The following ADAM10 variants were observed in gnomAD, a reference collection of about 807,000 sequenced individuals.
ADAM10 encodes disintegrin and metalloproteinase domain-containing protein 10.
Under a neutral mutation model 90.1 loss-of-function variants are expected in ADAM10, and 17 were observed. That is an observed-to-expected ratio of 0.19 (90% CI 0.13 to 0.28). The LOEUF is 0.28. Ranked by LOEUF, ADAM10 falls within the 10% of genes least tolerant of loss-of-function variation. The pLI, the probability that ADAM10 is intolerant of heterozygous loss-of-function variation, is 1.00. For synonymous variants in ADAM10, 310 were observed against 298.6 expected, an observed-to-expected ratio of 1.04 and a Z score of -0.40; for missense variants, 610 against 914.3, an observed-to-expected ratio of 0.67 and a Z score of 4.29.
At chr15:58,689,956 A>ACCCC (rs1897732644) in intron 2 of ADAM10, among the ~76,000 whole-genome samples, 1 of 138,524 alleles carries the variant, frequency 7.2e-6, no homozygotes, top group African/African-American at 2.6e-5. Context: ...CCCCCCCAAA[A>ACCCC]AAAAAAAAAA....
chr15:58,725,570 T>C (rs1481613062), intron 1 of ADAM10, among the ~76,000 whole-genome samples: 1 of 146,876 alleles, frequency 6.8e-6, no homozygotes, highest in Non-Finnish European at 1.5e-5. Context: ...TATAAATAAA[T>C]AAACAAAAAC....
At chr15:58,668,047 T>TG (rs1281815503) in intron 4 of ADAM10, among the ~76,000 whole-genome samples, 3 of 152,130 alleles carry the variant, frequency 2.0e-5, no homozygotes, top group African/African-American at 7.2e-5. Context: ...GGGCCAGACA[T>TG]GTCCCTTCTC....
intron 10 of ADAM10, among the ~76,000 whole-genome samples, chr15:58,627,068 C>T (rs1213001604): frequency 2.0e-5 from 3 of 152,018 alleles, no homozygotes; most frequent in Non-Finnish European, 4.4e-5. Flanking sequence ...AGTAGATGTA[C>T]AAACTAGGAC....
At chr15:58,709,232 T>C (rs534531718) in intron 2 of ADAM10, among the ~76,000 whole-genome samples, 369 of 152,222 alleles carry the variant, frequency 2.4e-3, no homozygotes, top group Non-Finnish European at 4.5e-3. Flanking sequence ...GCTTAACCAC[T>C]TGAACAACAG....
chr15:58,710,490 AC>A (rs1172979908), intron 2 of ADAM10, among the ~76,000 whole-genome samples: 3 of 152,184 alleles, frequency 2.0e-5, no homozygotes, highest in African/African-American at 7.2e-5. Context: ...AGATTTCTTT[AC>A]AAACAGCTTT....
chr15:58,718,271 T>G (rs567797970), intron 1 of ADAM10, among the ~76,000 whole-genome samples: 1 of 152,350 alleles, frequency 6.6e-6, no homozygotes. Flanking sequence ...TTCTTTTTAA[T>G]GTATTAATAT....
At chr15:58,694,688 G>A (rs1566999332) in intron 2 of ADAM10, among the ~76,000 whole-genome samples, 1 of 151,166 alleles carries the variant, frequency 6.6e-6, no homozygotes, top group African/African-American at 2.4e-5. Flanking sequence ...TAACCTAAAT[G>A]TCTATCAACA....
chr15:58,747,955 CA>C (rs1312812782), intron 1 of ADAM10: 2 of 151,948 alleles, frequency 1.3e-5, no homozygotes, highest in African/African-American at 4.8e-5. Flanking sequence ...AATTTAATCA[CA>C]AAAAGTGAAA....
chr15:58,619,553 A>G (rs1420759489), intron 11 of ADAM10, among the ~76,000 whole-genome samples: 1 of 152,232 alleles, frequency 6.6e-6, no homozygotes. Flanking sequence ...TATTGTATGC[A>G]TGTATCAAAA....
intron 3 of ADAM10, among the ~76,000 whole-genome samples, chr15:58,680,293 T>C (rs1402798681): frequency 3.9e-5 from 6 of 152,112 alleles, no homozygotes; most frequent in African/African-American, 1.4e-4. Flanking sequence ...CAGCTAATTT[T>C]TGTATTTTTG....
At chr15:58,630,602 G>A (rs1896075409) in intron 9 of ADAM10, among the ~76,000 whole-genome samples, 1 of 152,114 alleles carries the variant, frequency 6.6e-6, no homozygotes, top group South Asian at 2.1e-4. Context: ...TCTCATTTAT[G>A]ATTACAACTT....
At chr15:58,684,790 T>C (rs1357312084) in intron 2 of ADAM10, among the ~76,000 whole-genome samples, 1 of 152,116 alleles carries the variant, frequency 6.6e-6, no homozygotes, top group African/African-American at 2.4e-5. Flanking sequence ...GAAGTACAGG[T>C]GGCGCAGGAC....
rs185426051 is a variant in ADAM10, at chr15:58,659,503, G to C, written c.585+5594C>G. ...TTTCATCCTTTATTATGTTTATGTG[G>C]TGGATTACACAAATTTTCTAATGTT... On this transcript the variant is annotated intron_variant, in intron 5 of 15. Transcript: ENST00000260408. 7.8e-4 allele frequency among the ~76,000 whole-genome samples: 118 copies of C among 152,202 alleles called. 1 individual carries two copies. Among genetic ancestry groups the C allele is most frequent in the South Asian group, 1.2e-3 (6 of 4,822 alleles).
intron 5 of ADAM10, among the ~76,000 whole-genome samples, chr15:58,648,262 G>T (rs1244092743): frequency 6.6e-6 from 1 of 152,104 alleles, no homozygotes. Flanking sequence ...ACATTTGGGG[G>T]AACTGTCCCC....
chr15:58,748,017 A>C (rs1298777908), intron 1 of ADAM10: 3 of 152,134 alleles, frequency 2.0e-5, no homozygotes, highest in African/African-American at 7.3e-5. Context: ...AGAAATAACA[A>C]ATGTCAGATG....
At chr15:58,726,941 G>C (rs1332186767) in intron 1 of ADAM10, among the ~76,000 whole-genome samples, 1 of 151,460 alleles carries the variant, frequency 6.6e-6, no homozygotes, top group Non-Finnish European at 1.5e-5. Flanking sequence ...CGAAGGGGAA[G>C]GGGAAGAGCA....
chr15:58,687,834 A>C (rs1431270576), intron 2 of ADAM10, among the ~76,000 whole-genome samples: 1 of 152,226 alleles, frequency 6.6e-6, no homozygotes, highest in Non-Finnish European at 1.5e-5. Flanking sequence ...GATTCATGCG[A>C]CAATCATGAA....
intron 2 of ADAM10, among the ~76,000 whole-genome samples, chr15:58,693,876 T>TA (rs1596076924): frequency 6.6e-6 from 1 of 150,634 alleles, no homozygotes; most frequent in East Asian, 2.0e-4. Context: ...AAATCAATAA[T>TA]AAGACAACCA....
intron 2 of ADAM10, among the ~76,000 whole-genome samples, chr15:58,709,777 A>C (rs1176211761): frequency 6.6e-6 from 1 of 152,014 alleles, no homozygotes; most frequent in Non-Finnish European, 1.5e-5. Context: ...ACCACTAAAT[A>C]AGCCATCAGA....
Sources: gnomAD v4.1 joint callset for allele counts (sites outside exome capture counted in the v4.1 genomes callset) on GRCh38, gnomAD v4.1.1 for gene constraint, MANE v1.5 for transcripts, NCBI Gene and HGNC (gene_info 2026-07-23, HGNC 2026-07-21) for gene names.